TOP2B: variants seen among roughly 807,000 people sequenced by gnomAD.
The protein encoded by TOP2B is DNA topoisomerase II beta, also known as DNA topoisomerase 2-beta.
A neutral mutation model predicts 193.5 loss-of-function variants in TOP2B; 51 were observed. The observed-to-expected ratio is 0.26, with a 90% CI of 0.21 to 0.33. TOP2B has a LOEUF of 0.33. Among genes scored for constraint, TOP2B ranks in the 10% least tolerant of loss-of-function variants. The pLI is 1.00. For missense variants in TOP2B, 1,378 were observed against 1,909.3 expected, an observed-to-expected ratio of 0.72 and a Z score of 5.19; for synonymous variants, 634 against 635.7, an observed-to-expected ratio of 1.00 and a Z score of 0.04.
At chr3:25,630,001 T>G in intron 13 of TOP2B, 28 bp downstream of exon 13, 1 of 1,551,484 alleles carries the variant, frequency 6.4e-7, no homozygotes, top group South Asian at 1.3e-5. Context: ...GACATGAATT[T>G]GAAATATGTG....
chr3:25,602,396 C>CAAAAAA (rs368021384), intron 33 of TOP2B, among the ~76,000 whole-genome samples: 4 of 41,400 alleles, frequency 9.7e-5, no homozygotes, highest in East Asian at 7.1e-4. Flanking sequence ...GACTCTGTCT[C>CAAAAAA]AAAAAAAAAA....
At chr3:25,638,015 T>G in intron 5 of TOP2B, 150 bp downstream of exon 5, 1 of 790,778 alleles carries the variant, frequency 1.3e-6, no homozygotes, top group South Asian at 1.9e-5. Context: ...TGTTAAACTA[T>G]TACCAAGACA....
chr3:25,654,946 G>A (rs1397584017), intron 1 of TOP2B, among the ~76,000 whole-genome samples: 1 of 152,094 alleles, frequency 6.6e-6, no homozygotes. Context: ...CTAAAACTCT[G>A]AAACTCCTAG....
At position 25,632,435 on chromosome 3, in the gene TOP2B, GTTT is replaced by G. The variant is rs1164490794; in HGVS notation, c.1266+8_1266+10del. The G allele has an allele frequency of 4.5e-6, 7 of 1,541,126 alleles. No homozygotes were observed. The Admixed American group carries it at 1.3e-4, about 28-fold the overall frequency. Reference sequence around the variant, plus strand: ...AATAACAACAATAAAAAAAATACAAGTTTTACTCACTGCTTTAAAAAATTTTTC... The same window carrying G: ...AATAACAACAATAAAAAAAATACAAGTACTCACTGCTTTAAAAAATTTTTC... On this transcript the variant is annotated splice_region_variant and intron_variant, in intron 10 of 35. Coordinates refer to ENST00000264331, the MANE Select transcript of TOP2B (RefSeq NM_001330700.2).
chr3:25,661,064 G>C (rs1252305413), intron 1 of TOP2B, among the ~76,000 whole-genome samples: 1 of 148,970 alleles, frequency 6.7e-6, no homozygotes, highest in Non-Finnish European at 1.5e-5. Flanking sequence ...GCAATGGCGT[G>C]ATCTCGGCTC....
rs897628837 is a variant in TOP2B, at chr3:25,664,219, A to G, written c.69+10T>C. 6.5e-7 allele frequency: 1 copy of G among 1,537,320 alleles called. No individual in the cohort carries two copies. Among genetic ancestry groups the G allele is most frequent in the African/African-American group, 1.4e-5 (1 of 72,706 alleles). ...AATGCAGCCGCCCGTCCCGGGGACC[A>G]GCCACTTACCACCCAGGTCAGTGCC... On this transcript the variant is annotated intron_variant, in intron 1 of 35. Transcript: ENST00000264331.
intron 25 of TOP2B, among the ~76,000 whole-genome samples, chr3:25,616,121 A>C (rs1422367546): frequency 6.6e-6 from 1 of 152,018 alleles, no homozygotes; most frequent in Non-Finnish European, 1.5e-5. Flanking sequence ...TCCACTTAAG[A>C]ATTTAAGAGT....
intron 30 of TOP2B, 54 bp from the exon 31 acceptor site, chr3:25,607,429 T>C (rs1020034776): frequency 2.6e-6 from 4 of 1,511,468 alleles, no homozygotes; most frequent in Non-Finnish European, 3.6e-6. Flanking sequence ...TTTGTATACA[T>C]GAATTATTAT....
At chr3:25,632,850 T>C (rs1702998476) in intron 8 of TOP2B, 56 bp from the exon 9 acceptor site, 4 of 1,376,468 alleles carry the variant, frequency 2.9e-6, no homozygotes, top group Non-Finnish European at 4.1e-6. Flanking sequence ...AGTAGCAAAA[T>C]ACTTTATCTG....
intron 1 of TOP2B, among the ~76,000 whole-genome samples, chr3:25,660,998 A>AT (rs11460770): frequency 0.19 from 24,978 of 131,412 alleles, 3,183 homozygotes; most frequent in African/African-American, 0.36. Context: ...TCTTAGGTTG[A>AT]TTTTTTTTTT....
intron 2 of TOP2B, among the ~76,000 whole-genome samples, chr3:25,645,016 T>C (rs1195676855): frequency 2.0e-5 from 3 of 151,782 alleles, no homozygotes; most frequent in African/African-American, 7.3e-5. Flanking sequence ...TTCACCATGT[T>C]AGCCAGGATG....
chr3:25,660,949 G>A (rs1288687001), intron 1 of TOP2B, among the ~76,000 whole-genome samples: 1 of 151,310 alleles, frequency 6.6e-6, no homozygotes, highest in African/African-American at 2.4e-5. Context: ...TCTAGGATTT[G>A]CTCTGCTTCA....
intron 32 of TOP2B, 122 bp from the exon 33 acceptor site, chr3:25,604,992 G>A (rs1201919296): frequency 1.5e-6 from 1 of 669,316 alleles, no homozygotes; most frequent in African/African-American, 1.8e-5. Context: ...ACTATTTTGT[G>A]ACCAAATAAT....
chr3:25,612,672 C>A lies in TOP2B; in HGVS notation c.3629G>T (p.Gly1210Val), dbSNP rs748145044. The change falls in exon 28 of 36, where the codon GGA (glycine) becomes GTA (valine). Residue 1210 changes from glycine (G) to valine (V), a missense_variant. Physicochemically the swap from Gly to Val is moderately radical, Grantham distance 109 (BLOSUM62 -3). Coordinates refer to ENST00000264331, the MANE Select transcript of TOP2B (RefSeq NM_001330700.2). Reference protein sequence around the residue: ...ESQEREDVLAGMSGKAIKGKV... With the variant: ...ESQEREDVLAVMSGKAIKGKV... ...ACCTTTAATTGCTTTTCCAGACATTCCAGCCAGAACATCTTCTCGTTCTTG... is the reference window on the plus strand; with the variant it reads ...ACCTTTAATTGCTTTTCCAGACATTACAGCCAGAACATCTTCTCGTTCTTG... 23 of 1,613,440 alleles carry A rather than the reference C, an allele frequency of 1.4e-5. No individual in the cohort carries two copies. Among genetic ancestry groups the A allele is most frequent in the Non-Finnish European group, 8.5e-7 (1 of 1,179,664 alleles).
At chr3:25,658,869 T>C (rs959211449) in intron 1 of TOP2B, among the ~76,000 whole-genome samples, 1 of 152,226 alleles carries the variant, frequency 6.6e-6, no homozygotes, top group African/African-American at 2.4e-5. Context: ...GATTCTTCAA[T>C]GGACAGAATT....
rs762255155 is a variant in TOP2B, at chr3:25,633,876, G to C, written c.991C>G (p.Gln331Glu). 6.2e-7 allele frequency: 1 copy of C among 1,611,924 alleles called. No homozygotes were observed. Among genetic ancestry groups the C allele is most frequent in the Non-Finnish European group, 8.5e-7 (1 of 1,178,962 alleles). ...GCAATACTATTTACAAAGCTGATTT[G>C]CTGGAATCCTTTTTCACTCAATGTG... Reference protein sequence around the residue: ...CLTLSEKGFQQISFVNSIATT... With the variant: ...CLTLSEKGFQEISFVNSIATT... Residue 331 changes from glutamine to glutamate, a missense_variant, in exon 8 of 36, where the codon CAA (glutamine) becomes GAA (glutamate). By Grantham distance (29) the Gln-to-Glu change is conservative (BLOSUM62 2). Transcript: ENST00000264331.
chr3:25,630,900 C>A lies in TOP2B; in HGVS notation c.1306G>T (p.Val436Leu). 6.2e-7 allele frequency: 1 copy of A among 1,604,024 alleles called. No homozygotes were observed. The highest frequency in any genetic ancestry group is 8.5e-7 in the Non-Finnish European group (1 of 1,175,876). Residue 436 changes from valine (V) to leucine (L), a missense_variant, in exon 11 of 36, where the codon GTG becomes TTG. Around this residue, in one of 9 missense-constraint regions of TOP2B, gnomAD observed 66 missense variants for 153.3 expected, o/e 0.43. Coordinates refer to ENST00000264331, the MANE Select transcript of TOP2B (RefSeq NM_001330700.2). ...AGCTGAGTCTGAGCCTTAAATTTCA[C>A]CCAGTTCAGGATACTTTCTACAATG... ...CGIVESILNWVKFKAQTQLNK... is the reference protein window; with the variant it reads ...CGIVESILNWLKFKAQTQLNK...
At position 25,598,386 on chromosome 3, in the gene TOP2B, C is replaced by G. The variant is rs192180550; in HGVS notation, c.4802G>C (p.Gly1601Ala). The G allele has an allele frequency of 2.2e-5, 35 of 1,613,594 alleles. No individual in the cohort carries two copies. In the East Asian group the frequency reaches 7.8e-4, roughly 36 times the overall value. ...PTEPPSLPRT[G>A]RARKEVKYFA... Reference sequence around the variant, plus strand: ...ATATTTTACTTCTTTCCTAGCCCGACCGGTTCGTGGCAGAGAAGGTGGCTC... The same window carrying G: ...ATATTTTACTTCTTTCCTAGCCCGAGCGGTTCGTGGCAGAGAAGGTGGCTC... Residue 1601 changes from glycine to alanine, a missense_variant, in exon 36 of 36, where the codon GGT becomes GCT. By Grantham distance (60) the Gly-to-Ala change is moderately conservative (BLOSUM62 0). Around this residue, in one of 9 missense-constraint regions of TOP2B, gnomAD observed 556 missense variants for 584.2 expected, o/e 0.95. Coordinates refer to ENST00000264331, the MANE Select transcript of TOP2B (RefSeq NM_001330700.2).
chr3:25,637,141 C>A, intron 6 of TOP2B, 74 bp downstream of exon 6: 1 of 1,176,518 alleles, frequency 8.5e-7, no homozygotes, highest in East Asian at 2.6e-5. Flanking sequence ...CTGCAATTTA[C>A]CCAAGGTTCT....
Sources: allele counts gnomAD v4.1 joint callset (sites outside exome capture counted in the v4.1 genomes callset), GRCh38; gene constraint gnomAD v4.1.1; regional missense constraint gnomAD v4.1.1; transcripts MANE v1.5; gene names NCBI Gene and HGNC (gene_info 2026-07-23, HGNC 2026-07-21).